Variants in LTBP1 observed in about 807,000 individuals in gnomAD.
LTBP1 encodes the protein latent-transforming growth factor beta-binding protein 1.
A neutral mutation model predicts 207.6 loss-of-function variants in LTBP1; 129 were observed. The ratio of observed to expected loss-of-function variants is 0.62; its 90% CI spans 0.54 to 0.72. LTBP1 has a LOEUF of 0.72. LTBP1 is among the 30% of genes least tolerant of loss of function. The pLI is 0.00. For synonymous variants in LTBP1, 963 were observed against 833.7 expected (o/e 1.16, Z -2.67); for missense variants, 2,281 against 2,217.2 (o/e 1.03, Z -0.58).
chr2:33,299,044 G>C (rs1193353324), intron 20 of LTBP1, among the ~76,000 whole-genome samples: 1 of 152,100 alleles, frequency 6.6e-6, no homozygotes, highest in African/African-American at 2.4e-5. Flanking sequence ...GGGAGAACGA[G>C]GCAGGCGGAT....
At chr2:33,108,289 C>G (rs115830727) in intron 3 of LTBP1, among the ~76,000 whole-genome samples, 1 of 150,202 alleles carries the variant, frequency 6.7e-6, no homozygotes, top group Non-Finnish European at 1.5e-5. Context: ...TGGGGGGAAG[C>G]GGGAGAAGGT....
intron 9 of LTBP1, among the ~76,000 whole-genome samples, chr2:33,242,984 T>G (rs1268330954): frequency 6.6e-6 from 1 of 152,144 alleles, no homozygotes; most frequent in Non-Finnish European, 1.5e-5. Context: ...CTGAATCTTC[T>G]TTTCCAGCCA....
chr2:33,114,498 A>G (rs2080617200), intron 4 of LTBP1, among the ~76,000 whole-genome samples: 3 of 152,132 alleles, frequency 2.0e-5, no homozygotes, highest in Non-Finnish European at 4.4e-5. Context: ...GGTGCCTGGA[A>G]CGTGACAAAA....
In LTBP1 at chr2:33,328,162, T is replaced by TAAATAAATAAATAAATAAATAAATA. The variant is rs61232623; in HGVS notation, c.3730+12900_3730+12901insTAAATAAATAAATAAATAAAATAAA. The stretch of plus-strand genomic sequence containing the variant: ...ATAAATAAATAAATAAATAAATAAA[T>TAAATAAATAAATAAATAAATAAATA]AAATAAAATAAAAATAAAATGCATG... On this transcript the variant is annotated intron_variant, in intron 24 of 33. Transcript: ENST00000404816. Among the ~76,000 whole-genome samples, 715 of 145,876 alleles carry TAAATAAATAAATAAATAAATAAATA rather than the reference T, an allele frequency of 4.9e-3. 5 individuals are homozygous for TAAATAAATAAATAAATAAATAAATA. Among genetic ancestry groups the TAAATAAATAAATAAATAAATAAATA allele is most frequent in the African/African-American group, 0.015 (541 of 36,366 alleles).
At chr2:33,110,826 G>C in intron 4 of LTBP1, 75 bp downstream of exon 4, 1 of 1,308,280 alleles carries the variant, frequency 7.6e-7, no homozygotes, top group Non-Finnish European at 1.0e-6. Context: ...AGTGTAGACG[G>C]CTTTAATGTG....
chr2:33,009,139 G>A (rs1217527813), intron 2 of LTBP1, among the ~76,000 whole-genome samples: 1 of 152,204 alleles, frequency 6.6e-6, no homozygotes, highest in Non-Finnish European at 1.5e-5. Context: ...GGTTGCTCTG[G>A]TGAGAATAGA....
At chr2:33,038,082 T>G (rs567878858) in intron 3 of LTBP1, among the ~76,000 whole-genome samples, 2 of 152,362 alleles carry the variant, frequency 1.3e-5, no homozygotes, top group East Asian at 3.9e-4. Context: ...TTAACAAGTC[T>G]CCTAGTGGGG....
chr2:33,395,824 G>C (rs2095353301), intron 32 of LTBP1, among the ~76,000 whole-genome samples: 1 of 151,442 alleles, frequency 6.6e-6, no homozygotes. Flanking sequence ...CCCTCCATAA[G>C]CAATGATATT....
At chr2:33,282,601 G>C (rs1004103121) in intron 19 of LTBP1, among the ~76,000 whole-genome samples, 1 of 152,158 alleles carries the variant, frequency 6.6e-6, no homozygotes, top group African/African-American at 2.4e-5. Flanking sequence ...CCCAGCCCTA[G>C]CTTTGTACTT....
chr2:33,002,495 G>A (rs1686178251), intron 2 of LTBP1, among the ~76,000 whole-genome samples: 1 of 152,128 alleles, frequency 6.6e-6, no homozygotes, highest in Non-Finnish European at 1.5e-5. Context: ...GGAGTACCCT[G>A]GAAGGTCAGG....
chr2:33,377,817 C>A (rs1017807099), intron 31 of LTBP1, among the ~76,000 whole-genome samples: 1 of 152,074 alleles, frequency 6.6e-6, no homozygotes, highest in African/African-American at 2.4e-5. Context: ...GAAGGCAAAG[C>A]CAGACACTTC....
intron 3 of LTBP1, among the ~76,000 whole-genome samples, chr2:33,063,277 C>T (rs1368528026): frequency 6.6e-6 from 1 of 151,820 alleles, no homozygotes; most frequent in East Asian, 1.9e-4. Flanking sequence ...TCTGGAACAC[C>T]TGGTGAAAAC....
At chr2:33,273,811 T>C (rs369628889) in intron 16 of LTBP1, 30 bp downstream of exon 16, 45 of 1,563,694 alleles carry the variant, frequency 2.9e-5, no homozygotes, top group Non-Finnish European at 3.9e-5. Flanking sequence ...ACTAAATTAT[T>C]AAATATCAAA....
At chr2:33,273,862 A>C in intron 16 of LTBP1, 81 bp downstream of exon 16, 1 of 1,300,548 alleles carries the variant, frequency 7.7e-7, no homozygotes, top group South Asian at 1.8e-5. Flanking sequence ...AACCAACTTA[A>C]CCATTTTGGG....
chr2:33,261,648 A>G lies in LTBP1; in HGVS notation c.2419-1074A>G, dbSNP rs57040194. Among the ~76,000 whole-genome samples, 519 of 152,322 alleles carry G rather than the reference A, an allele frequency of 3.4e-3. 3 individuals are homozygous for G. The highest frequency in any genetic ancestry group is 0.011 in the African/African-American group (478 of 41,568). Reference sequence around the variant, plus strand: ...GACTAAAAGGTGACTTTAAACCTGGATGGGACAGATTAATGACTGTGGCAC... The same window carrying G: ...GACTAAAAGGTGACTTTAAACCTGGGTGGGACAGATTAATGACTGTGGCAC... On this transcript the variant is annotated intron_variant, in intron 13 of 33. Coordinates refer to ENST00000404816, the MANE Select transcript of LTBP1 (RefSeq NM_206943.4).
chr2:33,359,288 G>C (rs1016483250), intron 26 of LTBP1, among the ~76,000 whole-genome samples: 20 of 152,306 alleles, frequency 1.3e-4, no homozygotes, highest in Admixed American at 1.2e-3. Context: ...AATGCCAGAA[G>C]AGGAAAGAGA....
intron 24 of LTBP1, among the ~76,000 whole-genome samples, chr2:33,324,972 T>C (rs2094408367): frequency 6.6e-6 from 1 of 152,214 alleles, no homozygotes; most frequent in South Asian, 2.1e-4. Flanking sequence ...CCCAAAGTGC[T>C]GAGATTACAG....
chr2:33,332,288 C>T lies in LTBP1; in HGVS notation c.3731-10550C>T, dbSNP rs530744761. Among the ~76,000 whole-genome samples, 15 of 140,730 alleles carry T rather than the reference C, an allele frequency of 1.1e-4. 1 individual carries two copies. Among genetic ancestry groups the T allele is most frequent in the African/African-American group, 4.0e-4 (15 of 37,572 alleles). The allele number at this position is 140,730 out of a possible 152,430, so 92.3% of individuals were successfully genotyped here. ...TGGTGGGTACCTGTAGTTACAGCTA[C>T]TTGGGAGGCTGAGGTGGGAGGATCA... On this transcript the variant is annotated intron_variant, in intron 24 of 33. Transcript: ENST00000404816.
chr2:33,158,522 T>C (rs1305726821), intron 5 of LTBP1, among the ~76,000 whole-genome samples: 2 of 152,082 alleles, frequency 1.3e-5, no homozygotes, highest in Non-Finnish European at 2.9e-5. Flanking sequence ...TGAAGCCAAA[T>C]AGGGGTGACT....
Sources: allele counts gnomAD v4.1 joint callset (sites outside exome capture counted in the v4.1 genomes callset), GRCh38; gene constraint gnomAD v4.1.1; transcripts MANE v1.5; gene names NCBI Gene and HGNC (gene_info 2026-07-23, HGNC 2026-07-21).